MAD1L1: variants seen among roughly 807,000 people sequenced by gnomAD.
MAD1L1 encodes mitotic arrest deficient 1 like 1.
Under a neutral mutation model 96.9 loss-of-function variants are expected in MAD1L1, and 95 were observed. The ratio of observed to expected loss-of-function variants is 0.98; its 90% CI spans 0.83 to 1.16. The LOEUF is 1.16. Ranked by LOEUF, MAD1L1 falls within the 50% of genes most tolerant of loss-of-function variation. The pLI is 0.00. For missense variants in MAD1L1, 1,007 were observed against 954.4 expected, an observed-to-expected ratio of 1.06 and a Z score of -0.73; for synonymous variants, 473 against 396.6, an observed-to-expected ratio of 1.19 and a Z score of -2.29.
intron 13 of MAD1L1, among the ~76,000 whole-genome samples, chr7:2,008,306 G>C (rs963829459): frequency 2.6e-5 from 4 of 152,208 alleles, no homozygotes; most frequent in Admixed American, 2.0e-4. Context: ...CCGCATCTGT[G>C]ATGGAGGCAG....
intron 17 of MAD1L1, among the ~76,000 whole-genome samples, chr7:1,920,043 G>A (rs187623973): frequency 5.3e-5 from 8 of 151,990 alleles, no homozygotes; most frequent in African/African-American, 1.9e-4. Context: ...CCCCAGGAGG[G>A]CGCACAGCAG....
chr7:1,898,531 C>G (rs1028576313), intron 17 of MAD1L1, 141 bp from the exon 18 acceptor site: 11 of 658,464 alleles, frequency 1.7e-5, no homozygotes, highest in Non-Finnish European at 2.9e-5. Context: ...CCGTGTCACA[C>G]CAGCCAGCCT....
intron 18 of MAD1L1, among the ~76,000 whole-genome samples, chr7:1,862,565 T>C (rs976501327): frequency 1.3e-5 from 2 of 152,310 alleles, no homozygotes; most frequent in South Asian, 2.1e-4. Flanking sequence ...GAATCCTCTG[T>C]ACAATAAAGT....
At chr7:2,180,588 G>T (rs1791155904) in intron 10 of MAD1L1, among the ~76,000 whole-genome samples, 1 of 152,166 alleles carries the variant, frequency 6.6e-6, no homozygotes, top group South Asian at 2.1e-4. Flanking sequence ...CAAGGAAACT[G>T]GGCTTGTTTC....
chr7:1,867,975 G>A (rs972849752), intron 18 of MAD1L1, among the ~76,000 whole-genome samples: 1 of 152,204 alleles, frequency 6.6e-6, no homozygotes. Context: ...TCTCTGAGGG[G>A]CCCTCCACAT....
At chr7:1,949,546 G>A (rs1264251870) in intron 16 of MAD1L1, among the ~76,000 whole-genome samples, 2 of 152,188 alleles carry the variant, frequency 1.3e-5, no homozygotes, top group East Asian at 3.9e-4. Flanking sequence ...CCCTTCCCCA[G>A]AGTCCTGCCA....
At chr7:2,122,168 G>A (rs1361557834) in intron 11 of MAD1L1, among the ~76,000 whole-genome samples, 1 of 152,226 alleles carries the variant, frequency 6.6e-6, no homozygotes. Flanking sequence ...CGGAGCAGTG[G>A]CCACCCCGCA....
intron 18 of MAD1L1, among the ~76,000 whole-genome samples, chr7:1,870,326 GC>G: frequency 6.7e-6 from 1 of 148,512 alleles, no homozygotes. Context: ...ACATACGCCT[GC>G]CACGGTGAAC....
intron 14 of MAD1L1, among the ~76,000 whole-genome samples, chr7:1,983,146 GCGCGCGCGCACACACACACACACA>G (rs776462349): frequency 5.3e-5 from 7 of 130,976 alleles, no homozygotes; most frequent in Non-Finnish European, 1.1e-4. Flanking sequence ...GCGCGCGCGC[GCGCGCGCGCACACACACACACACA>G]CACACACACA....
intron 12 of MAD1L1, among the ~76,000 whole-genome samples, chr7:2,046,124 G>A (rs1584177070): frequency 6.6e-6 from 1 of 152,144 alleles, no homozygotes; most frequent in Non-Finnish European, 1.5e-5. Context: ...CCTGCAATCA[G>A]TGCCTCTCCT....
chr7:2,105,393 G>A (rs951593087), intron 11 of MAD1L1, among the ~76,000 whole-genome samples: 3 of 149,530 alleles, frequency 2.0e-5, no homozygotes, highest in African/African-American at 4.9e-5. Context: ...CCTACGGGGC[G>A]GTCTCTGCTG....
intron 13 of MAD1L1, among the ~76,000 whole-genome samples, chr7:2,002,748 G>T (rs754149603): frequency 6.6e-6 from 1 of 152,254 alleles, no homozygotes; most frequent in Non-Finnish European, 1.5e-5. Context: ...TCATGGAGCA[G>T]CAAGGCTGGG....
At chr7:2,108,862 C>T (rs1274848266) in intron 11 of MAD1L1, among the ~76,000 whole-genome samples, 1 of 152,232 alleles carries the variant, frequency 6.6e-6, no homozygotes, top group Non-Finnish European at 1.5e-5. Context: ...GGAGCCGGCC[C>T]GATCCACGAT....
chr7:2,012,905 G>A (rs1282606481), intron 13 of MAD1L1, among the ~76,000 whole-genome samples: 1 of 152,210 alleles, frequency 6.6e-6, no homozygotes, highest in African/African-American at 2.4e-5. Context: ...TGAACCATCT[G>A]CCAAGCAGCT....
At chr7:1,971,095 C>G (rs552016696) in intron 15 of MAD1L1, among the ~76,000 whole-genome samples, 11 of 152,210 alleles carry the variant, frequency 7.2e-5, no homozygotes, top group Admixed American at 7.2e-4. Context: ...CGAGTTCCAC[C>G]TCAATACAGT....
At chr7:1,836,061 G>A (rs1782923466) in intron 18 of MAD1L1, among the ~76,000 whole-genome samples, 1 of 152,040 alleles carries the variant, frequency 6.6e-6, no homozygotes, top group African/African-American at 2.4e-5. Context: ...TCACTCTGCC[G>A]CCCAGGCTGG....
In MAD1L1 at chr7:2,190,140, T is replaced by C. The variant is rs947525553; in HGVS notation, c.986+23072A>G. On this transcript the variant is annotated intron_variant, in intron 10 of 18. Coordinates refer to ENST00000265854, the MANE Select transcript of MAD1L1 (RefSeq NM_001013836.2). ...ACAAAGAAAAAGCTGGAGGGCTTAC[T>C]ATGTTCTTTCAAAGAGTATTAGGAA... Among the ~76,000 whole-genome samples the C allele has an allele frequency of 3.3e-5, 5 of 152,216 alleles. No homozygotes were observed. In the East Asian group the frequency reaches 5.8e-4, roughly 18 times the overall value.
chr7:1,889,195 G>A (rs2128436394), intron 18 of MAD1L1, among the ~76,000 whole-genome samples: 1 of 152,308 alleles, frequency 6.6e-6, no homozygotes, highest in Admixed American at 6.5e-5. Flanking sequence ...GGCTGGCAGA[G>A]GCAAGCGACA....
chr7:2,079,601 A>G, intron 11 of MAD1L1: 1 of 470,680 alleles, frequency 2.1e-6, no homozygotes, highest in Non-Finnish European at 4.4e-6. Context: ...AAATACTCTC[A>G]TCTGACCTTG....
Sources: gnomAD v4.1 joint callset for allele counts (sites outside exome capture counted in the v4.1 genomes callset) on GRCh38, gnomAD v4.1.1 for gene constraint, MANE v1.5 for transcripts, NCBI Gene and HGNC (gene_info 2026-07-23, HGNC 2026-07-21) for gene names.